The following CDC14B variants were observed in gnomAD, a reference collection of about 807,000 sequenced individuals.
CDC14B encodes the protein cell division cycle 14B, also known as dual specificity protein phosphatase CDC14B.
A neutral mutation model predicts 64.2 loss-of-function variants in CDC14B; 22 were observed. The observed-to-expected ratio is 0.34, with a 90% CI of 0.24 to 0.49. The LOEUF is 0.49. Ranked by LOEUF, CDC14B falls within the 20% of genes least tolerant of loss-of-function variation. The pLI, the probability that CDC14B is intolerant of heterozygous loss-of-function variation, is 0.99. For synonymous variants in CDC14B, 191 were observed against 215.8 expected (o/e 0.89, Z 1.01); for missense variants, 498 against 629.9 (o/e 0.79, Z 2.24).
At chr9:96,610,176 G>A (rs915644809) in intron 1 of CDC14B, among the ~76,000 whole-genome samples, 4 of 151,964 alleles carry the variant, frequency 2.6e-5, no homozygotes, top group Non-Finnish European at 4.4e-5. Context: ...GAAAGTCAAC[G>A]TGAATAAGAA....
At chr9:96,549,064 T>C (rs1841407497) in intron 5 of CDC14B, among the ~76,000 whole-genome samples, 1 of 152,238 alleles carries the variant, frequency 6.6e-6, no homozygotes, top group African/African-American at 2.4e-5. Flanking sequence ...TGATAAGTTC[T>C]ATAGAACACT....
intron 1 of CDC14B, among the ~76,000 whole-genome samples, chr9:96,616,332 A>G (rs915942189): frequency 2.0e-5 from 3 of 152,122 alleles, no homozygotes; most frequent in African/African-American, 7.2e-5. Flanking sequence ...CTCAAAAAAA[A>G]AGAGAACTAA....
chr9:96,533,862 G>T, intron 9 of CDC14B, 65 bp downstream of exon 9: 1 of 949,952 alleles, frequency 1.1e-6, no homozygotes, highest in Non-Finnish European at 1.5e-6. Context: ...AATGAATATG[G>T]TCTGTTTCTA....
At chr9:96,556,699 C>T (rs1252921484) in intron 4 of CDC14B, among the ~76,000 whole-genome samples, 3 of 151,884 alleles carry the variant, frequency 2.0e-5, no homozygotes, top group Non-Finnish European at 1.5e-5. Flanking sequence ...AGTGAATTGG[C>T]CCTGGGAATT....
intron 9 of CDC14B, among the ~76,000 whole-genome samples, chr9:96,529,021 T>C (rs907004203): frequency 1.3e-5 from 2 of 152,220 alleles, no homozygotes; most frequent in Non-Finnish European, 2.9e-5. Flanking sequence ...GATTTGCAAA[T>C]ATTTTCTCCC....
chr9:96,527,404 C>CA (rs903835392), intron 9 of CDC14B, among the ~76,000 whole-genome samples: 1 of 151,666 alleles, frequency 6.6e-6, no homozygotes, highest in African/African-American at 2.4e-5. Context: ...GTCTCAAAAA[C>CA]AAAAACAAAA....
intron 4 of CDC14B, among the ~76,000 whole-genome samples, chr9:96,558,486 C>T (rs1326711715): frequency 6.6e-6 from 1 of 152,294 alleles, no homozygotes; most frequent in South Asian, 2.1e-4. Context: ...ACGTACACAA[C>T]ATACATCTGT....
intron 5 of CDC14B, among the ~76,000 whole-genome samples, chr9:96,542,352 T>G (rs1840180119): frequency 6.6e-6 from 1 of 151,520 alleles, no homozygotes; most frequent in Non-Finnish European, 1.5e-5. Context: ...TGTCTGTCTG[T>G]GTGTGTGTGT....
chr9:96,561,540 G>A (rs1018544331), intron 4 of CDC14B, among the ~76,000 whole-genome samples: 1 of 151,994 alleles, frequency 6.6e-6, no homozygotes, highest in African/African-American at 2.4e-5. Context: ...GTGCAGTGGC[G>A]CGATCTCCGC....
intron 4 of CDC14B, among the ~76,000 whole-genome samples, chr9:96,554,719 A>G (rs1400274411): frequency 1.3e-5 from 2 of 152,188 alleles, no homozygotes; most frequent in Non-Finnish European, 2.9e-5. Context: ...TATCAAAGAT[A>G]TATTTGCCAA....
intron 1 of CDC14B, among the ~76,000 whole-genome samples, chr9:96,585,169 G>A (rs902849316): frequency 3.3e-5 from 5 of 150,756 alleles, no homozygotes; most frequent in African/African-American, 1.2e-4. Context: ...CAATTGCACT[G>A]TTGTTGTTTA....
At chr9:96,561,318 C>A (rs911683262) in intron 4 of CDC14B, among the ~76,000 whole-genome samples, 1 of 152,134 alleles carries the variant, frequency 6.6e-6, no homozygotes, top group Non-Finnish European at 1.5e-5. Context: ...TCTTGAGGTA[C>A]GATTTCAACT....
Position 96,523,294 on chromosome 9 carries a change from C to T in CDC14B, c.1212G>A (p.Gly404=). Residue 404 remains glycine (G), a synonymous_variant, in exon 11 of 14, where the codon GGG becomes GGA. Transcript: ENST00000375241. ...GTTCTTGCTGATCTTGATTCTCGAC[C>T]CCATTTATGGAAATGTCATCAACGC... ...LSGVDDISIN[G]VENQDQQEPE... 6.2e-7 allele frequency: 1 copy of T among 1,614,052 alleles called. No individual in the cohort carries two copies. The highest frequency in any genetic ancestry group is 2.2e-5 in the East Asian group (1 of 44,882).
intron 2 of CDC14B, 69 bp downstream of exon 2, chr9:96,565,324 C>T (rs1843753734): frequency 1.1e-6 from 1 of 908,516 alleles, no homozygotes. Flanking sequence ...CCAGGCCATC[C>T]CATTTATAAC....
In CDC14B at chr9:96,503,356, TGAACAGAAAATAAATACATAAAAAACCTC is replaced by T; in HGVS notation, c.*368_*396del. On this transcript the variant is annotated 3_prime_UTR_variant, in exon 14 of 14. Coordinates refer to ENST00000375241, the MANE Select transcript of CDC14B (RefSeq NM_033331.4). Reference sequence around the variant, plus strand: ...TAAATTTTGACACAGGGTCACAAGGTGAACAGAAAATAAATACATAAAAAACCTCCATCAGATCCTCAATTCTTCTGAAG... The same window carrying T: ...TAAATTTTGACACAGGGTCACAAGGTCATCAGATCCTCAATTCTTCTGAAG... The T allele has an allele frequency of 4.8e-6, 1 of 208,610 alleles. No individual in the cohort carries two copies. The highest frequency in any genetic ancestry group is 1.2e-4 in the East Asian group (1 of 8,656). The allele number at this position is 208,610 out of a possible 1,614,324, so 12.9% of individuals were successfully genotyped here.
intron 5 of CDC14B, 70 bp from the exon 6 acceptor site, chr9:96,541,962 G>A (rs1840123518): frequency 1.9e-6 from 2 of 1,033,066 alleles, no homozygotes; most frequent in Admixed American, 2.1e-5. Flanking sequence ...AGACAAAGGT[G>A]ACTAGAATTT....
intron 1 of CDC14B, among the ~76,000 whole-genome samples, chr9:96,580,231 C>CTT (rs546034661): frequency 3.5e-5 from 5 of 142,284 alleles, no homozygotes; most frequent in East Asian, 2.0e-4. Context: ...GAGAGTGCCA[C>CTT]TTTTTTTTTT....
chr9:96,551,714 C>A, intron 5 of CDC14B, 82 bp downstream of exon 5: 2 of 1,553,754 alleles, frequency 1.3e-6, no homozygotes, highest in Non-Finnish European at 8.7e-7. Flanking sequence ...TTTACCAGAT[C>A]TTCTTTTTTC....
In CDC14B at chr9:96,514,132, G is replaced by A. The variant is rs539016039; in HGVS notation, c.1344-4343C>T. On this transcript the variant is annotated intron_variant, in intron 12 of 13. Transcript: ENST00000375241. ...TGGGTCTAGAAATACAATGGCAAAC[G>A]TCATTACCAATAACAACAGAAGGTA... Among the ~76,000 whole-genome samples, 15 of 152,180 alleles carry A rather than the reference G, an allele frequency of 9.9e-5. No individual in the cohort carries two copies. In the South Asian group the frequency reaches 2.1e-3, roughly 21 times the overall value.
Sources: allele counts gnomAD v4.1 joint callset (sites outside exome capture counted in the v4.1 genomes callset), GRCh38; gene constraint gnomAD v4.1.1; transcripts MANE v1.5; gene names NCBI Gene and HGNC (gene_info 2026-07-23, HGNC 2026-07-21).